DEPDC4: variants seen among roughly 807,000 people sequenced by gnomAD.
The protein encoded by DEPDC4 is DEP domain containing 4, also known as DEP domain-containing protein 4.
A neutral mutation model predicts 52.0 loss-of-function variants in DEPDC4; 52 were observed. That is an observed-to-expected ratio of 1.00 (90% CI 0.80 to 1.26). DEPDC4 has a LOEUF of 1.26. Among genes scored for constraint, DEPDC4 ranks in the 50% most tolerant of loss-of-function variants. DEPDC4 has a pLI of 0.00. For missense variants in DEPDC4, 530 were observed against 546.9 expected (o/e 0.97, Z 0.31); for synonymous variants, 201 against 196.8 (o/e 1.02, Z -0.18).
At position 100,241,658 on chromosome 12, in the gene DEPDC4, G is replaced by A; in HGVS notation, c.*234C>T. On this transcript the variant is annotated 3_prime_UTR_variant, in exon 10 of 10. Transcript: ENST00000550587. ...TTATATTTACAAATTGTAGTTTCTTGTATCAGAAATGTTAATTCAAAGCTT... is the reference window on the plus strand; with the variant it reads ...TTATATTTACAAATTGTAGTTTCTTATATCAGAAATGTTAATTCAAAGCTT... 8.3e-7 allele frequency: 1 copy of A among 1,198,606 alleles called. No individual in the cohort carries two copies. The highest frequency in any genetic ancestry group is 1.1e-6 in the Non-Finnish European group (1 of 945,108). 74.2% of individuals were successfully genotyped at this position (1,198,606 alleles called of 1,614,324 possible). A position where few individuals can be genotyped will look rare whatever the true frequency, so the allele number is the denominator to read the frequency against.
At chr12:100,266,886 T>G (rs567697351) in intron 1 of DEPDC4, 34 bp downstream of exon 1, 1 of 1,597,948 alleles carries the variant, frequency 6.3e-7, no homozygotes, top group African/African-American at 1.3e-5. Flanking sequence ...CCCTCCACCT[T>G]CACTGCACAT....
chr12:100,281,019 GTTTTTTT>G, the DEPDC4 span, among the ~76,000 whole-genome samples: 1 of 50,492 alleles, frequency 2.0e-5, no homozygotes, highest in South Asian at 7.1e-4. Flanking sequence ...TACCATCAGT[GTTTTTTT>G]TTTTTTTTTT....
upstream of DEPDC4, among the ~76,000 whole-genome samples, chr12:100,270,315 A>G (rs1033802027): frequency 6.6e-6 from 1 of 152,164 alleles, no homozygotes; most frequent in Non-Finnish European, 1.5e-5. Flanking sequence ...AAATTAAGGA[A>G]GAACTGTAGA....
intron 4 of DEPDC4, chr12:100,255,791 A>C (rs980251765): frequency 2.0e-4 from 48 of 241,164 alleles, no homozygotes; most frequent in Non-Finnish European, 3.2e-5. Flanking sequence ...TGGAAATGAC[A>C]GAATTTTGGA....
the DEPDC4 span, among the ~76,000 whole-genome samples, chr12:100,275,112 G>A: frequency 6.6e-6 from 1 of 151,982 alleles, no homozygotes; most frequent in Non-Finnish European, 1.5e-5. Flanking sequence ...TGCATAGCTT[G>A]TTAAATTTAT....
intron 9 of DEPDC4, among the ~76,000 whole-genome samples, chr12:100,232,395 CAA>C (rs71436984): frequency 3.4e-5 from 4 of 116,334 alleles, no homozygotes; most frequent in African/African-American, 6.8e-5. Flanking sequence ...GACTCCGTCT[CAA>C]AAAAAAAAAA....
chr12:100,253,537 A>C lies in DEPDC4; in HGVS notation c.1057T>G (p.Leu353Val), dbSNP rs191791032. The C allele has an allele frequency of 8.6e-5, 111 of 1,288,082 alleles. No individual in the cohort carries two copies. The African/African-American group carries it at 1.5e-3, about 17-fold the overall frequency. The allele number at this position is 1,288,082 out of a possible 1,614,324, so 79.8% of individuals were successfully genotyped here. Residue 353 changes from leucine to valine, a missense_variant, in exon 5 of 10, where the codon TTA becomes GTA. By Grantham distance (32) the Leu-to-Val change is conservative. Transcript: ENST00000550587. ...KYYAQERDCL[L>V]TDEYFDIHSG... ...TGAATATCAAAATACTCATCAGTTAATAGGCAATCTCTCTCTTGAGCATAG... is the reference window on the plus strand; with the variant it reads ...TGAATATCAAAATACTCATCAGTTACTAGGCAATCTCTCTCTTGAGCATAG...
At chr12:100,276,853 TG>T in the DEPDC4 span, among the ~76,000 whole-genome samples, 3 of 152,114 alleles carry the variant, frequency 2.0e-5, no homozygotes, top group Non-Finnish European at 4.4e-5. Context: ...ACCATTATTT[TG>T]GACTTTTAAA....
At position 100,256,142 on chromosome 12, in the gene DEPDC4, T is replaced by TTAAC; in HGVS notation, c.781_784dup (p.Lys262SerfsTer2). ...TTTGTTTAGTTGAAGATTTTGTGTTTTAACTGGAGGCTCCAAAATATTGTC... is the reference window on the plus strand; with the variant it reads ...TTTGTTTAGTTGAAGATTTTGTGTTTTAACTAACTGGAGGCTCCAAAATATTGTC... On this transcript the variant is annotated stop_gained and frameshift_variant, in exon 4 of 10. Transcript: ENST00000550587. LOFTEE classifies it high-confidence loss of function. The TTAAC allele has an allele frequency of 3.1e-6, 5 of 1,613,212 alleles. No individual in the cohort carries two copies. Among genetic ancestry groups the TTAAC allele is most frequent in the Non-Finnish European group, 4.2e-6 (5 of 1,179,386 alleles).
chr12:100,253,636 A>G lies in DEPDC4; in HGVS notation c.958T>C (p.Leu320=). 2.3e-6 allele frequency: 3 copies of G among 1,289,804 alleles called. No individual in the cohort carries two copies. The highest frequency in any genetic ancestry group is 3.0e-6 in the Non-Finnish European group (3 of 988,892). 79.9% of individuals were successfully genotyped at this position (1,289,804 alleles called of 1,614,324 possible). Residue 320 remains leucine, a synonymous_variant, in exon 5 of 10, where the codon TTA becomes CTA. Coordinates refer to ENST00000550587, the MANE Select transcript of DEPDC4 (RefSeq NM_001364818.2). ...DQLIVTVSQQ[L]MQNRNEETRL... is the part of the protein sequence containing the mutation. ...GTCTCTTCATTTCTGTTTTGCATTA[A>G]CTGCTGACTAACTGTAACTATTAAC...
chr12:100,231,657 T>C (rs2096135124), intron 9 of DEPDC4, among the ~76,000 whole-genome samples: 1 of 152,242 alleles, frequency 6.6e-6, no homozygotes, highest in South Asian at 2.1e-4. Flanking sequence ...TTTTAATGTT[T>C]TATTAACTTT....
upstream of DEPDC4, chr12:100,267,312 G>C: frequency 2.1e-6 from 1 of 487,706 alleles, no homozygotes; most frequent in Non-Finnish European, 3.6e-6. Context: ...CAGGCACGAA[G>C]GCAGAGCAGG....
At chr12:100,264,727 T>C (rs1469808069) in intron 1 of DEPDC4, among the ~76,000 whole-genome samples, 1 of 151,956 alleles carries the variant, frequency 6.6e-6, no homozygotes, top group Non-Finnish European at 1.5e-5. Flanking sequence ...ACATACCCAC[T>C]TGAGCTGAAT....
intron 3 of DEPDC4, chr12:100,261,693 A>T: frequency 2.2e-6 from 1 of 456,732 alleles, no homozygotes; most frequent in South Asian, 1.5e-5. Context: ...TCATTGTAAA[A>T]AATGAATTAA....
At chr12:100,280,228 A>G in the DEPDC4 span, among the ~76,000 whole-genome samples, 5 of 152,262 alleles carry the variant, frequency 3.3e-5, no homozygotes, top group South Asian at 1.0e-3. Flanking sequence ...GGCAGAAGTT[A>G]TTTATTCATT....
At chr12:100,238,706 G>T (rs2096147352), downstream of DEPDC4, among the ~76,000 whole-genome samples, 1 of 151,048 alleles carries the variant, frequency 6.6e-6, no homozygotes. Context: ...GGCTGGTCTT[G>T]GAACTCGTGG....
At chr12:100,276,349 G>T in the DEPDC4 span, among the ~76,000 whole-genome samples, 1 of 151,618 alleles carries the variant, frequency 6.6e-6, no homozygotes, top group Non-Finnish European at 1.5e-5. Flanking sequence ...TTTTATTTTT[G>T]AAATAGGATC....
At position 100,267,005 on chromosome 12, in the gene DEPDC4, G is replaced by A; in HGVS notation, c.72C>T (p.Val24=). The change falls in exon 1 of 10, where the codon GTC becomes GTT. Residue 24 remains valine (V), a synonymous_variant. Transcript: ENST00000550587. ...VLLTPRFRRL[V]SQNELPGPGL... ...CTGGGCCCGGAAGCTCGTTCTGACTGACAAGTCTACGGAACCTCGGAGTCA... is the reference window on the plus strand; with the variant it reads ...CTGGGCCCGGAAGCTCGTTCTGACTAACAAGTCTACGGAACCTCGGAGTCA... The A allele has an allele frequency of 6.2e-7, 1 of 1,614,090 alleles. No individual in the cohort carries two copies. The highest frequency in any genetic ancestry group is 8.5e-7 in the Non-Finnish European group (1 of 1,179,988).
At chr12:100,266,884 C>A (rs758288724) in intron 1 of DEPDC4, 36 bp downstream of exon 1, 2 of 1,593,882 alleles carry the variant, frequency 1.3e-6, no homozygotes, top group Non-Finnish European at 1.7e-6. Flanking sequence ...CCCCCTCCAC[C>A]TTCACTGCAC....
Sources: allele counts gnomAD v4.1 joint callset (sites outside exome capture counted in the v4.1 genomes callset), GRCh38; gene constraint gnomAD v4.1.1; transcripts MANE v1.5; gene names NCBI Gene and HGNC (gene_info 2026-07-23, HGNC 2026-07-21).